SMOC2: variants seen among roughly 807,000 people sequenced by gnomAD.
The protein encoded by SMOC2 is SPARC related modular calcium binding 2.
Under a neutral mutation model 61.4 loss-of-function variants are expected in SMOC2, and 39 were observed. That is an observed-to-expected ratio of 0.64 (90% CI 0.49 to 0.83). The LOEUF (loss-of-function observed/expected upper bound fraction) is 0.83, where lower values mean the gene tolerates loss of function less well. Among genes scored for constraint, SMOC2 ranks in the 40% least tolerant of loss-of-function variants. The pLI is 0.00. For missense variants in SMOC2, 556 were observed against 592.9 expected (o/e 0.94, Z 0.65); for synonymous variants, 247 against 239.9 (o/e 1.03, Z -0.27).
chr6:168,477,677 C>T (rs1782119275), intron 1 of SMOC2, among the ~76,000 whole-genome samples: 1 of 152,058 alleles, frequency 6.6e-6, no homozygotes, highest in Non-Finnish European at 1.5e-5. Flanking sequence ...TGTTGTATAA[C>T]ACCTTGGTGT....
chr6:168,448,163 T>G (rs1781372227), intron 1 of SMOC2, among the ~76,000 whole-genome samples: 1 of 152,098 alleles, frequency 6.6e-6, no homozygotes, highest in African/African-American at 2.4e-5. Context: ...GAGGGCTGAG[T>G]TGTGAAGGAG....
At chr6:168,599,528 CCA>C (rs1470158546) in intron 8 of SMOC2, among the ~76,000 whole-genome samples, 1 of 22,692 alleles carries the variant, frequency 4.4e-5, no homozygotes, top group Admixed American at 7.5e-4. Context: ...ACTCATACCC[CCA>C]CACACCCACT....
At chr6:168,581,106 A>T (rs2115158344) in intron 7 of SMOC2, among the ~76,000 whole-genome samples, 1 of 152,272 alleles carries the variant, frequency 6.6e-6, no homozygotes, top group East Asian at 1.9e-4. Flanking sequence ...ATTCCAACAG[A>T]AGTATAAGTT....
chr6:168,443,716 C>T (rs1182976564), intron 1 of SMOC2, among the ~76,000 whole-genome samples: 1 of 152,130 alleles, frequency 6.6e-6, no homozygotes, highest in Admixed American at 6.5e-5. Context: ...TTGGAAATCT[C>T]TTTTGTCTCC....
chr6:168,625,304 C>T (rs898514179), intron 9 of SMOC2, among the ~76,000 whole-genome samples: 1 of 152,222 alleles, frequency 6.6e-6, no homozygotes, highest in East Asian at 1.9e-4. Context: ...AGTCCCCTTC[C>T]TGGAGCCTGC....
intron 3 of SMOC2, among the ~76,000 whole-genome samples, chr6:168,527,250 A>T (rs1327030676): frequency 6.6e-6 from 1 of 152,104 alleles, no homozygotes; most frequent in Non-Finnish European, 1.5e-5. Context: ...CAGAGTGAAC[A>T]CTAAAGAGGC....
chr6:168,448,629 G>A (rs1337714879), intron 1 of SMOC2, among the ~76,000 whole-genome samples: 2 of 151,790 alleles, frequency 1.3e-5, no homozygotes, highest in African/African-American at 4.8e-5. Flanking sequence ...GTGATGGGGA[G>A]GATGGTGATG....
rs866813539 is a variant in SMOC2, at chr6:168,655,388, C to G, written c.1285+2160C>G. On this transcript the variant is annotated intron_variant, in intron 11 of 12. Coordinates refer to ENST00000356284, the MANE Select transcript of SMOC2 (RefSeq NM_001166412.2). ...TTTTTGTGGGCCTGGCCTACCCAAC[C>G]GTGACAGGAAGTAAGAGAAACCTGT... 5 of 456,608 alleles carry G rather than the reference C, an allele frequency of 1.1e-5. No individual in the cohort carries two copies. In the Middle Eastern group the frequency reaches 1.3e-3, roughly 119 times the overall value. The allele number at this position is 456,608 out of a possible 1,614,324, so 28.3% of individuals were successfully genotyped here. A position where few individuals can be genotyped will look rare whatever the true frequency, so the allele number is the denominator to read the frequency against.
intron 2 of SMOC2, among the ~76,000 whole-genome samples, chr6:168,515,734 G>A (rs1430091628): frequency 1.6e-5 from 2 of 121,510 alleles, no homozygotes; most frequent in African/African-American, 2.9e-5. Context: ...ACGCAGCATA[G>A]GGGCTCCTGG....
chr6:168,444,443 A>G (rs1433804433), intron 1 of SMOC2, among the ~76,000 whole-genome samples: 1 of 152,082 alleles, frequency 6.6e-6, no homozygotes, highest in African/African-American at 2.4e-5. Context: ...TTTGTCTGGT[A>G]ATGATCTCTC....
At chr6:168,568,940 A>T (rs756324089) in intron 7 of SMOC2, among the ~76,000 whole-genome samples, 1 of 152,170 alleles carries the variant, frequency 6.6e-6, no homozygotes, top group Non-Finnish European at 1.5e-5. Context: ...ACCATAGTTC[A>T]TCTGTTTACC....
chr6:168,657,627 A>G (rs1451921727), intron 11 of SMOC2, among the ~76,000 whole-genome samples: 12 of 152,166 alleles, frequency 7.9e-5, no homozygotes, highest in African/African-American at 7.2e-5. Context: ...TTGTGCTGCT[A>G]TAACAGAACA....
At chr6:168,626,905 A>G (rs1021688099) in intron 9 of SMOC2, among the ~76,000 whole-genome samples, 1 of 152,250 alleles carries the variant, frequency 6.6e-6, no homozygotes, top group East Asian at 1.9e-4. Context: ...CTGTTGCCTG[A>G]GTTGGCCTGG....
intron 9 of SMOC2, among the ~76,000 whole-genome samples, chr6:168,627,186 T>C (rs890601296): frequency 6.6e-6 from 1 of 152,222 alleles, no homozygotes; most frequent in Admixed American, 6.5e-5. Context: ...GAGTGTATTA[T>C]AGACACCCAT....
chr6:168,566,136 A>G (rs1583115428), intron 7 of SMOC2, among the ~76,000 whole-genome samples: 1 of 152,142 alleles, frequency 6.6e-6, no homozygotes, highest in East Asian at 1.9e-4. Flanking sequence ...CAATGCGTCT[A>G]CCACCTTGGC....
Position 168,465,541 on chromosome 6 carries a change from G to T in SMOC2, c.84+24087G>T, listed in dbSNP as rs146263684. Reference sequence around the variant, plus strand: ...ACAGTAGGAATCATTCTGGGTGCAGGTGGACAAATTACTGTATTTGTGATT... The same window carrying T: ...ACAGTAGGAATCATTCTGGGTGCAGTTGGACAAATTACTGTATTTGTGATT... On this transcript the variant is annotated intron_variant, in intron 1 of 12. Transcript: ENST00000356284. 3.8e-3 allele frequency among the ~76,000 whole-genome samples: 572 copies of T among 151,776 alleles called. 1 individual carries two copies. The highest frequency in any genetic ancestry group is 0.013 in the African/African-American group (551 of 41,476).
chr6:168,516,079 G>A (rs1270632490), intron 2 of SMOC2, among the ~76,000 whole-genome samples: 1 of 152,136 alleles, frequency 6.6e-6, no homozygotes, highest in Non-Finnish European at 1.5e-5. Context: ...TTTGGTGGGT[G>A]ATAGTTCTAT....
intron 9 of SMOC2, among the ~76,000 whole-genome samples, chr6:168,638,834 A>G (rs957871438): frequency 2.0e-5 from 3 of 152,304 alleles, no homozygotes; most frequent in Admixed American, 2.0e-4. Context: ...TCAAGCCAGG[A>G]AAAGAATTCA....
intron 1 of SMOC2, among the ~76,000 whole-genome samples, chr6:168,467,041 G>A (rs1781850644): frequency 2.0e-5 from 3 of 152,054 alleles, no homozygotes; most frequent in Non-Finnish European, 2.9e-5. Context: ...CGCCGTGCTG[G>A]TCATGTCATG....
Sources: allele counts gnomAD v4.1 joint callset (sites outside exome capture counted in the v4.1 genomes callset), GRCh38; gene constraint gnomAD v4.1.1; transcripts MANE v1.5; gene names NCBI Gene and HGNC (gene_info 2026-07-23, HGNC 2026-07-21).